The following ASIC2 variants were observed in gnomAD, a reference collection of about 807,000 sequenced individuals.
The protein encoded by ASIC2 is acid-sensing ion channel 2.
In ASIC2, 25 loss-of-function variants were observed where a neutral mutation model predicts 57.3. The observed-to-expected ratio is 0.44, with a 90% CI of 0.32 to 0.61. The LOEUF (loss-of-function observed/expected upper bound fraction) is 0.61. Ranked by LOEUF, ASIC2 falls within the 20% of genes least tolerant of loss-of-function variation. ASIC2 has a pLI of 0.06. For synonymous variants in ASIC2, 319 were observed against 307.5 expected, an observed-to-expected ratio of 1.04 and a Z score of -0.39; for missense variants, 641 against 738.1, an observed-to-expected ratio of 0.87 and a Z score of 1.52.
chr17:33,547,045 G>T (rs571517974), intron 1 of ASIC2, among the ~76,000 whole-genome samples: 2 of 152,162 alleles, frequency 1.3e-5, no homozygotes, highest in Non-Finnish European at 2.9e-5. Context: ...CACCTGGAAG[G>T]CTTGTTAAAA....
intron 1 of ASIC2, among the ~76,000 whole-genome samples, chr17:33,741,284 C>T (rs767952412): frequency 6.6e-6 from 1 of 152,182 alleles, no homozygotes; most frequent in African/African-American, 2.4e-5. Flanking sequence ...TTTTTAGTTC[C>T]TCTTCTGAAT....
intron 1 of ASIC2, among the ~76,000 whole-genome samples, chr17:33,207,208 C>T (rs1047624451): frequency 7.9e-5 from 12 of 152,198 alleles, no homozygotes; most frequent in African/African-American, 1.9e-4. Context: ...AGAGGACGGA[C>T]GGAAGTGGTG....
intron 1 of ASIC2, among the ~76,000 whole-genome samples, chr17:33,364,681 T>C (rs1342939056): frequency 6.6e-6 from 1 of 152,228 alleles, no homozygotes; most frequent in Non-Finnish European, 1.5e-5. Flanking sequence ...TCCCCAGCCA[T>C]GCTTCCAGTA....
chr17:33,399,738 G>A (rs1910213845), intron 1 of ASIC2, among the ~76,000 whole-genome samples: 1 of 152,132 alleles, frequency 6.6e-6, no homozygotes, highest in Admixed American at 6.5e-5. Context: ...AAAGCCACAG[G>A]CAGAAAGCCT....
intron 1 of ASIC2, among the ~76,000 whole-genome samples, chr17:33,712,948 A>G (rs1909099140): frequency 1.3e-5 from 2 of 152,120 alleles, no homozygotes; most frequent in South Asian, 4.1e-4. Context: ...CCCGGCCCTC[A>G]TATGGCTTTT....
chr17:33,977,379 A>G (rs1202976922), intron 1 of ASIC2, among the ~76,000 whole-genome samples: 2 of 152,208 alleles, frequency 1.3e-5, no homozygotes, highest in East Asian at 1.9e-4. Flanking sequence ...GCAGTGGTTC[A>G]GTGATCTGTG....
chr17:33,773,909 C>A (rs541777989), intron 1 of ASIC2, among the ~76,000 whole-genome samples: 1 of 152,086 alleles, frequency 6.6e-6, no homozygotes, highest in Non-Finnish European at 1.5e-5. Context: ...TCAAGCAATC[C>A]TCCTTTCTCA....
intron 1 of ASIC2, among the ~76,000 whole-genome samples, chr17:33,478,138 G>A (rs1024044817): frequency 2.0e-5 from 3 of 152,180 alleles, no homozygotes; most frequent in Non-Finnish European, 4.4e-5. Flanking sequence ...AGCCTAGCTG[G>A]GCAATATCCC....
intron 1 of ASIC2, among the ~76,000 whole-genome samples, chr17:33,259,663 T>G (rs1386034246): frequency 1.3e-5 from 2 of 152,178 alleles, no homozygotes; most frequent in Non-Finnish European, 1.5e-5. Context: ...ATTTATTTTA[T>G]GATGCTCCTT....
intron 1 of ASIC2, among the ~76,000 whole-genome samples, chr17:33,379,357 G>A (rs1291286966): frequency 6.6e-6 from 1 of 152,162 alleles, no homozygotes; most frequent in Non-Finnish European, 1.5e-5. Context: ...AGCACTCAAC[G>A]CAATGACTGG....
chr17:33,284,509 C>T (rs978284870), intron 1 of ASIC2, among the ~76,000 whole-genome samples: 2 of 152,106 alleles, frequency 1.3e-5, no homozygotes, highest in Non-Finnish European at 2.9e-5. Flanking sequence ...CTCAGGGTTG[C>T]AGGTCTTGGA....
chr17:33,789,955 G>A (rs1347297772), intron 1 of ASIC2, among the ~76,000 whole-genome samples: 2 of 152,138 alleles, frequency 1.3e-5, no homozygotes, highest in African/African-American at 4.8e-5. Context: ...GAATGACGTG[G>A]GTCATAGAGG....
At chr17:33,383,283 G>T (rs1477691000) in intron 1 of ASIC2, among the ~76,000 whole-genome samples, 1 of 152,162 alleles carries the variant, frequency 6.6e-6, no homozygotes, top group African/African-American at 2.4e-5. Flanking sequence ...TTGAGGGTGA[G>T]GCCATGTTGG....
At chr17:33,910,804 A>G (rs1915446122) in intron 1 of ASIC2, among the ~76,000 whole-genome samples, 1 of 152,220 alleles carries the variant, frequency 6.6e-6, no homozygotes, top group East Asian at 1.9e-4. Context: ...AAGGAAACAC[A>G]TGGGGTTACC....
chr17:33,748,720 T>G (rs1394283427), intron 1 of ASIC2, among the ~76,000 whole-genome samples: 1 of 152,222 alleles, frequency 6.6e-6, no homozygotes, highest in Admixed American at 6.5e-5. Flanking sequence ...TGAGCTGCCT[T>G]ACGGCTCTAG....
chr17:33,854,119 C>A (rs1249564315), intron 1 of ASIC2, among the ~76,000 whole-genome samples: 2 of 152,162 alleles, frequency 1.3e-5, no homozygotes, highest in East Asian at 1.9e-4. Context: ...CCCCAGTAAA[C>A]GTCTATTGTT....
chr17:33,184,788 C>T (rs1285002310), intron 1 of ASIC2, among the ~76,000 whole-genome samples: 1 of 152,142 alleles, frequency 6.6e-6, no homozygotes, highest in Admixed American at 6.5e-5. Flanking sequence ...TGCTCCAATT[C>T]AACAGTAAAT....
intron 1 of ASIC2, among the ~76,000 whole-genome samples, chr17:33,521,610 AAGATGTTGGATCCGACTGGC>A (rs1914744358): frequency 6.6e-6 from 1 of 152,138 alleles, no homozygotes; most frequent in Non-Finnish European, 1.5e-5. Flanking sequence ...ATGGGCAAGG[AAGATGTTGGATCCGACTGGC>A]AGAGCTGGAG....
chr17:33,140,555 C>T (rs1432626731), intron 1 of ASIC2, among the ~76,000 whole-genome samples: 3 of 152,178 alleles, frequency 2.0e-5, no homozygotes, highest in South Asian at 2.1e-4. Context: ...AAAGTAGCTG[C>T]CACATTGTAC....
Sources: gnomAD v4.1 joint callset for allele counts (sites outside exome capture counted in the v4.1 genomes callset) on GRCh38, gnomAD v4.1.1 for gene constraint, MANE v1.5 for transcripts, NCBI Gene and HGNC (gene_info 2026-07-23, HGNC 2026-07-21) for gene names.